The following RAB2A variants were observed in gnomAD, a reference collection of about 807,000 sequenced individuals.
The protein encoded by RAB2A is ras-related protein Rab-2A.
In RAB2A, 7 loss-of-function variants were observed where a neutral mutation model predicts 32.5. That is an observed-to-expected ratio of 0.22 (90% CI 0.12 to 0.40). The LOEUF (loss-of-function observed/expected upper bound fraction) is 0.40. Among genes scored for constraint, RAB2A ranks in the 10% least tolerant of loss-of-function variants. RAB2A has a pLI of 1.00. For missense variants in RAB2A, 108 were observed against 260.7 expected (o/e 0.41, Z 4.03); for synonymous variants, 79 against 85.2 (o/e 0.93, Z 0.40).
chr8:60,519,410 TCTTAGA>T (rs1402758382), intron 1 of RAB2A, among the ~76,000 whole-genome samples: 3 of 152,218 alleles, frequency 2.0e-5, no homozygotes, highest in African/African-American at 7.2e-5. Flanking sequence ...TAGTCTCTAT[TCTTAGA>T]GTGCTTTCCG....
At chr8:60,587,351 A>G (rs1803868057) in intron 5 of RAB2A, among the ~76,000 whole-genome samples, 1 of 152,186 alleles carries the variant, frequency 6.6e-6, no homozygotes. Flanking sequence ...TACCATTTAC[A>G]AAAATTAACT....
At chr8:60,593,360 G>A (rs1485501829) in intron 6 of RAB2A, among the ~76,000 whole-genome samples, 14 of 152,162 alleles carry the variant, frequency 9.2e-5, no homozygotes, top group Non-Finnish European at 1.3e-4. Flanking sequence ...CCACATACCC[G>A]AGACTGGGTG....
At chr8:60,535,145 G>A (rs1267725943) in intron 1 of RAB2A, among the ~76,000 whole-genome samples, 1 of 152,174 alleles carries the variant, frequency 6.6e-6, no homozygotes, top group African/African-American at 2.4e-5. Context: ...GTTTCACAGT[G>A]CATTATTTTA....
At chr8:60,533,142 A>C (rs1445942426) in intron 1 of RAB2A, among the ~76,000 whole-genome samples, 1 of 152,242 alleles carries the variant, frequency 6.6e-6, no homozygotes, top group Non-Finnish European at 1.5e-5. Flanking sequence ...ACACATGTCT[A>C]AAAACTTAGT....
In RAB2A at chr8:60,572,069, A is replaced by G. The variant is rs1020040727; in HGVS notation, c.142A>G (p.Ile48Val). The G allele has an allele frequency of 1.9e-6, 3 of 1,609,440 alleles. No homozygotes were observed. Among genetic ancestry groups the G allele is most frequent in the Admixed American group, 1.7e-5 (1 of 59,894 alleles). The change falls in exon 3 of 8, where the codon ATA becomes GTA. Residue 48 changes from isoleucine to valine, a missense_variant. Around this residue, in one of 4 missense-constraint regions of RAB2A, gnomAD observed 79 missense variants for 199.8 expected, o/e 0.40. Coordinates refer to ENST00000262646, the MANE Select transcript of RAB2A (RefSeq NM_002865.3). ...TIGVEFGARM[I>V]TIDGKQIKLQ... Reference sequence around the variant, plus strand: ...AGGTGTAGAGTTCGGTGCTCGAATGATAACTATTGATGGGAAACAGATAAA... The same window carrying G: ...AGGTGTAGAGTTCGGTGCTCGAATGGTAACTATTGATGGGAAACAGATAAA...
At chr8:60,592,950 C>T (rs1238680151) in intron 6 of RAB2A, among the ~76,000 whole-genome samples, 2 of 152,152 alleles carry the variant, frequency 1.3e-5, no homozygotes, top group Non-Finnish European at 2.9e-5. Context: ...AGTTAAGAAT[C>T]ACTGCCGTAA....
chr8:60,561,469 A>G (rs1305307778), intron 2 of RAB2A, among the ~76,000 whole-genome samples: 1 of 152,180 alleles, frequency 6.6e-6, no homozygotes, highest in Admixed American at 6.5e-5. Context: ...GCTCTTAAGG[A>G]GGGAACCCGG....
intron 3 of RAB2A, among the ~76,000 whole-genome samples, chr8:60,575,676 A>C (rs1219380820): frequency 1.4e-5 from 1 of 70,458 alleles, no homozygotes; most frequent in Non-Finnish European, 2.6e-5. Flanking sequence ...TTTTTTTTTG[A>C]GACGGTGTTT....
chr8:60,529,569 C>G (rs1807445298), intron 1 of RAB2A, among the ~76,000 whole-genome samples: 2 of 152,070 alleles, frequency 1.3e-5, no homozygotes, highest in South Asian at 2.1e-4. Flanking sequence ...TTTTTGAATT[C>G]AGGTATTTGA....
intron 1 of RAB2A, among the ~76,000 whole-genome samples, chr8:60,547,650 G>A (rs1807758804): frequency 1.6e-5 from 2 of 122,078 alleles, no homozygotes; most frequent in South Asian, 2.8e-4. Context: ...GGCCAGGCGG[G>A]GGGCTGACCC....
At chr8:60,586,412 G>A (rs1351337535) in intron 5 of RAB2A, among the ~76,000 whole-genome samples, 1 of 150,346 alleles carries the variant, frequency 6.7e-6, no homozygotes, top group East Asian at 1.9e-4. Context: ...GAAAACCAAT[G>A]AAACCAAAAG....
chr8:60,598,962 A>G (rs1377451282), intron 6 of RAB2A, among the ~76,000 whole-genome samples: 7 of 145,932 alleles, frequency 4.8e-5, no homozygotes, highest in Admixed American at 2.0e-4. Context: ...AAAAAAAAAA[A>G]AAAAGAAAAG....
chr8:60,583,439 C>T (rs1252176560), intron 3 of RAB2A, among the ~76,000 whole-genome samples: 1 of 152,032 alleles, frequency 6.6e-6, no homozygotes, highest in East Asian at 1.9e-4. Flanking sequence ...AGAGAAATTA[C>T]CTAGCTTTGC....
intron 6 of RAB2A, among the ~76,000 whole-genome samples, chr8:60,599,257 A>G (rs1379863506): frequency 6.6e-6 from 1 of 152,188 alleles, no homozygotes; most frequent in Non-Finnish European, 1.5e-5. Flanking sequence ...AAAACTACAA[A>G]ACTACTTACA....
At chr8:60,611,969 C>G (rs685715) in intron 6 of RAB2A, among the ~76,000 whole-genome samples, 18,312 of 152,188 alleles carry the variant, frequency 0.12, 1,403 homozygotes, top group Middle Eastern at 0.21. Flanking sequence ...CTAAAATAAA[C>G]AACTATTTTT....
chr8:60,551,859 T>C (rs1461564297), intron 1 of RAB2A: 2 of 79,626 alleles, frequency 2.5e-5, no homozygotes, highest in African/African-American at 2.7e-4. Context: ...TGCCTTGATT[T>C]TTTTTTTTTT....
At chr8:60,570,903 T>C (rs1808188676) in intron 2 of RAB2A, among the ~76,000 whole-genome samples, 1 of 152,230 alleles carries the variant, frequency 6.6e-6, no homozygotes, top group African/African-American at 2.4e-5. Flanking sequence ...TGTGCTCTTC[T>C]CTGGGAAACT....
At chr8:60,587,947 A>G (rs1002820508) in intron 5 of RAB2A, among the ~76,000 whole-genome samples, 6 of 152,212 alleles carry the variant, frequency 3.9e-5, no homozygotes, top group East Asian at 1.9e-4. Context: ...TGAACCAGCA[A>G]TTACTACAGA....
intron 1 of RAB2A, among the ~76,000 whole-genome samples, chr8:60,528,359 A>T (rs977764990): frequency 3.3e-5 from 5 of 152,348 alleles, no homozygotes; most frequent in African/African-American, 1.2e-4. Context: ...TATCTTTTTT[A>T]TCCTGCTTCT....
Sources: allele counts gnomAD v4.1 joint callset (sites outside exome capture counted in the v4.1 genomes callset), GRCh38; gene constraint gnomAD v4.1.1; regional missense constraint gnomAD v4.1.1; transcripts MANE v1.5; gene names NCBI Gene and HGNC (gene_info 2026-07-23, HGNC 2026-07-21).